The following CHCHD3 variants were observed in gnomAD, a reference collection of about 807,000 sequenced individuals.
CHCHD3 encodes MICOS complex subunit MIC19.
In CHCHD3, 20 loss-of-function variants were observed where a neutral mutation model predicts 38.2. That is an observed-to-expected ratio of 0.52 (90% CI 0.37 to 0.76). The LOEUF (loss-of-function observed/expected upper bound fraction) is 0.76, where lower values mean the gene tolerates loss of function less well. Among genes scored for constraint, CHCHD3 ranks in the 30% least tolerant of loss-of-function variants. The probability of loss-of-function intolerance (pLI) is 0.00; values close to 1 mark genes in which losing one functional copy is unlikely to be tolerated. For missense variants in CHCHD3, 245 were observed against 279.2 expected, an observed-to-expected ratio of 0.88 and a Z score of 0.87; for synonymous variants, 82 against 100.0, an observed-to-expected ratio of 0.82 and a Z score of 1.07.
At chr7:132,808,173 CAG>C (rs1353352387) in intron 6 of CHCHD3, among the ~76,000 whole-genome samples, 1 of 152,186 alleles carries the variant, frequency 6.6e-6, no homozygotes, top group African/African-American at 2.4e-5. Context: ...AGAAAAGACA[CAG>C]AGAAACCAAC....
chr7:132,996,112 T>G (rs1214492743), intron 3 of CHCHD3, among the ~76,000 whole-genome samples: 1 of 152,244 alleles, frequency 6.6e-6, no homozygotes, highest in African/African-American at 2.4e-5. Flanking sequence ...ATGCTATATC[T>G]TGATTATGTG....
At position 132,883,629 on chromosome 7, in the gene CHCHD3, G is replaced by T. The variant is rs147758479; in HGVS notation, c.453+2033C>A. 6.6e-3 allele frequency among the ~76,000 whole-genome samples: 1,003 copies of T among 152,262 alleles called. 11 individuals are homozygous for T. Among genetic ancestry groups the T allele is most frequent in the African/African-American group, 0.022 (931 of 41,546 alleles). ...ACTTCAGGGTCTTTCAATTAGAACA[G>T]AGCCACACTCATTCATTTACAGTTG... On this transcript the variant is annotated intron_variant, in intron 5 of 7. Transcript: ENST00000262570.
At chr7:132,928,118 C>T (rs1376546655) in intron 4 of CHCHD3, among the ~76,000 whole-genome samples, 3 of 152,034 alleles carry the variant, frequency 2.0e-5, no homozygotes, top group East Asian at 3.9e-4. Context: ...CAGAGGGAAT[C>T]CCATCTTCCT....
intron 1 of CHCHD3, among the ~76,000 whole-genome samples, chr7:133,070,752 C>T (rs1814798636): frequency 6.6e-6 from 1 of 151,564 alleles, no homozygotes; most frequent in Non-Finnish European, 1.5e-5. Context: ...TCAAAATTAT[C>T]AAGTGCTTAA....
chr7:132,884,354 T>C (rs904686054), intron 5 of CHCHD3, among the ~76,000 whole-genome samples: 1 of 152,184 alleles, frequency 6.6e-6, no homozygotes, highest in Non-Finnish European at 1.5e-5. Context: ...GAAATTATCA[T>C]AACCTGCCAT....
chr7:132,898,392 A>G (rs1809563643), intron 4 of CHCHD3, among the ~76,000 whole-genome samples: 1 of 152,212 alleles, frequency 6.6e-6, no homozygotes, highest in South Asian at 2.1e-4. Context: ...TCCCCATCAG[A>G]TTAGCTAGAT....
At chr7:132,789,798 A>G (rs1806414053) in intron 7 of CHCHD3, among the ~76,000 whole-genome samples, 1 of 152,154 alleles carries the variant, frequency 6.6e-6, no homozygotes, top group East Asian at 1.9e-4. Context: ...GGCCTCATAA[A>G]GCTGGGTAGA....
chr7:132,939,698 G>A (rs1810719147), intron 4 of CHCHD3, among the ~76,000 whole-genome samples: 1 of 152,138 alleles, frequency 6.6e-6, no homozygotes, highest in African/African-American at 2.4e-5. Flanking sequence ...TGGAAAGGAA[G>A]AATGAAGAGG....
chr7:132,951,506 C>G (rs1811035612), intron 4 of CHCHD3, among the ~76,000 whole-genome samples: 1 of 152,104 alleles, frequency 6.6e-6, no homozygotes, highest in Non-Finnish European at 1.5e-5. Context: ...ACACTTTGGT[C>G]AGTGACAGAC....
At chr7:133,070,043 A>G (rs1306290468) in intron 2 of CHCHD3, 99 bp downstream of exon 2, 1 of 803,022 alleles carries the variant, frequency 1.2e-6, no homozygotes, top group Non-Finnish European at 2.0e-6. Context: ...AAACATCTAA[A>G]TAACGAAAGA....
At chr7:132,851,214 A>G (rs1199294385) in intron 5 of CHCHD3, among the ~76,000 whole-genome samples, 4 of 152,196 alleles carry the variant, frequency 2.6e-5, no homozygotes, top group African/African-American at 7.2e-5. Context: ...ATAGCCTTCT[A>G]TAACAATTTA....
chr7:132,985,414 G>A lies in CHCHD3; in HGVS notation c.252-10128C>T, dbSNP rs1460643736. The stretch of plus-strand genomic sequence containing the variant: ...CCCCGCCCGGCCAGCCGCCCTATCC[G>A]GGAGGTGAGGGGCGCCTCTGCCCGG... On this transcript the variant is annotated intron_variant, in intron 3 of 7. Coordinates refer to ENST00000262570, the MANE Select transcript of CHCHD3 (RefSeq NM_017812.4). 1.2e-4 allele frequency among the ~76,000 whole-genome samples: 9 copies of A among 75,342 alleles called. 1 individual carries two copies. Among genetic ancestry groups the A allele is most frequent in the Non-Finnish European group, 1.7e-4 (6 of 35,814 alleles). 49.4% of individuals were successfully genotyped at this position (75,342 alleles called of 152,430 possible). A position where few individuals can be genotyped will look rare whatever the true frequency, so the allele number is the denominator to read the frequency against.
intron 4 of CHCHD3, among the ~76,000 whole-genome samples, chr7:132,930,811 G>A (rs891270975): frequency 2.0e-5 from 3 of 152,126 alleles, no homozygotes; most frequent in African/African-American, 7.2e-5. Context: ...CTCTCAAGAT[G>A]GATGCCAGAC....
chr7:132,944,934 T>C (rs988536650), intron 4 of CHCHD3, among the ~76,000 whole-genome samples: 1 of 152,014 alleles, frequency 6.6e-6, no homozygotes, highest in Non-Finnish European at 1.5e-5. Flanking sequence ...TATGAGTACA[T>C]AAAGAACTTC....
chr7:132,858,920 C>T (rs1423574416), intron 5 of CHCHD3, among the ~76,000 whole-genome samples: 5 of 152,112 alleles, frequency 3.3e-5, no homozygotes. Context: ...TCCCCATTTT[C>T]CAGATGAGAA....
chr7:132,985,943 C>T (rs953209943), intron 3 of CHCHD3, among the ~76,000 whole-genome samples: 11 of 151,608 alleles, frequency 7.3e-5, no homozygotes, highest in Admixed American at 2.6e-4. Flanking sequence ...ATGACCATGG[C>T]GGTTTTGTGG....
intron 3 of CHCHD3, among the ~76,000 whole-genome samples, chr7:132,983,924 C>T (rs901766890): frequency 6.6e-6 from 1 of 151,784 alleles, no homozygotes. Flanking sequence ...TTGAGAAATA[C>T]CTTTTAATCT....
At position 133,006,325 on chromosome 7, in the gene CHCHD3, G is replaced by A. The variant is rs539395569; in HGVS notation, c.251+18221C>T. Among the ~76,000 whole-genome samples the A allele has an allele frequency of 5.3e-5, 8 of 152,110 alleles. No homozygotes were observed. The East Asian group carries it at 1.5e-3, about 29-fold the overall frequency. On this transcript the variant is annotated intron_variant, in intron 3 of 7. Transcript: ENST00000262570. Reference sequence around the variant, plus strand: ...TACTAAAAATACAAAAATTAGCCAGGCATGGTGGCACACACCTGTAATCCC... The same window carrying A: ...TACTAAAAATACAAAAATTAGCCAGACATGGTGGCACACACCTGTAATCCC...
intron 5 of CHCHD3, among the ~76,000 whole-genome samples, chr7:132,853,558 G>T (rs1036785825): frequency 1.3e-5 from 2 of 152,138 alleles, no homozygotes; most frequent in Non-Finnish European, 2.9e-5. Context: ...GGAGGCGGAG[G>T]TTGTAGGGAG....
Sources: gnomAD v4.1 joint callset for allele counts (sites outside exome capture counted in the v4.1 genomes callset) on GRCh38, gnomAD v4.1.1 for gene constraint, MANE v1.5 for transcripts, NCBI Gene and HGNC (gene_info 2026-07-23, HGNC 2026-07-21) for gene names.